The following LRP1 variants were observed in gnomAD, a reference collection of about 807,000 sequenced individuals.
LRP1 encodes LDL receptor related protein 1.
A neutral mutation model predicts 541.5 loss-of-function variants in LRP1; 51 were observed. The ratio of observed to expected loss-of-function variants is 0.09; its 90% CI spans 0.08 to 0.12. The LOEUF (loss-of-function observed/expected upper bound fraction) is 0.12, where lower values mean the gene tolerates loss of function less well. Among genes scored for constraint, LRP1 ranks in the 10% least tolerant of loss-of-function variants. The probability of loss-of-function intolerance (pLI) is 1.00; values close to 1 mark genes in which losing one functional copy is unlikely to be tolerated. For synonymous variants in LRP1, 2,219 were observed against 2,470.8 expected (o/e 0.90, Z 3.02); for missense variants, 3,878 against 6,376.2 (o/e 0.61, Z 13.34).
intron 12 of LRP1, 125 bp downstream of exon 12, chr12:57,160,130 A>T: frequency 1.1e-6 from 1 of 899,800 alleles, no homozygotes; most frequent in Non-Finnish European, 1.7e-6. Flanking sequence ...CAGGAATGAG[A>T]GTCTGCAAGG....
Position 57,156,944 on chromosome 12 carries a change from G to A in LRP1, c.1561+24G>A, listed in dbSNP as rs768967783. On this transcript the variant is annotated intron_variant, in intron 10 of 88. Transcript: ENST00000243077. The surrounding 1 kb of genome is among the most constrained non-coding windows in gnomAD (Gnocchi z 5.2). ...GAGTGAGTGACAGGGAAGGGGGTGT[G>A]TGCCCATTGGGAGGCTGCGGGAGGG... is the stretch of plus-strand genomic sequence containing the variant. 22 of 1,547,408 alleles carry A rather than the reference G, an allele frequency of 1.4e-5. No individual in the cohort carries two copies. The highest frequency in any genetic ancestry group is 2.4e-4 in the Middle Eastern group (1 of 4,236).
chr12:57,191,962 A>ACAC (rs2036414030), intron 44 of LRP1, among the ~76,000 whole-genome samples: 1 of 145,868 alleles, frequency 6.9e-6, no homozygotes, highest in Non-Finnish European at 1.5e-5. Flanking sequence ...CACCACATAC[A>ACAC]CACACCACAC....
rs778888986 is a variant in LRP1 at position 57,173,738 on chromosome 12, C to CA, written c.3347-41dup. On this transcript the variant is annotated intron_variant, in intron 21 of 88. Transcript: ENST00000243077. The surrounding 1 kb of genome is among the most constrained non-coding windows in gnomAD (Gnocchi z 4.7). Reference sequence around the variant, plus strand: ...CTGGAAGGAAGGGCAGGGGGAGCCCCAGTCCCCGGGCCTGGGCCCTCATAG... The same window carrying CA: ...CTGGAAGGAAGGGCAGGGGGAGCCCCAAGTCCCCGGGCCTGGGCCCTCATAG... 1.9e-6 allele frequency: 3 copies of CA among 1,603,552 alleles called. No individual in the cohort carries two copies. The highest frequency in any genetic ancestry group is 2.6e-6 in the Non-Finnish European group (3 of 1,170,678).
rs146131043 is a variant in LRP1 at position 57,145,471 on chromosome 12, C to T, written c.822C>T (p.Asn274=). 5.6e-5 allele frequency: 90 copies of T among 1,613,816 alleles called. No homozygotes were observed. The highest frequency in any genetic ancestry group is 1.6e-4 in the Middle Eastern group (1 of 6,076). Residue 274 remains asparagine, a synonymous_variant, in exon 6 of 89, where the codon AAC becomes AAT. Transcript: ENST00000243077. ...GCTTCGTGGATGAGCACACCATCAA[C>T]ATCTCCCTCAGTCTGCACCGTGAGT... ...LKGFVDEHTI[N]ISLSLHHVEQ...
Position 57,187,428 on chromosome 12 carries a change from C to T in LRP1, c.7003C>T (p.Arg2335Trp), listed in dbSNP as rs755117209. 1.2e-6 allele frequency: 2 copies of T among 1,613,878 alleles called. No homozygotes were observed. Among genetic ancestry groups the T allele is most frequent in the Non-Finnish European group, 1.7e-6 (2 of 1,179,922 alleles). Reference protein sequence around the residue: ...VITMSGDDHPRAFVLDECQNL... With the variant: ...VITMSGDDHPWAFVLDECQNL... ...CACTATGTCTGGAGATGACCACCCA[C>T]GGGCCTTCGTTTTGGACGAGTGCCA... Residue 2335 changes from arginine (R) to tryptophan (W), a missense_variant, in exon 42 of 89, where the codon CGG (arginine) becomes TGG (tryptophan). Arg to Trp is a moderately radical substitution (Grantham distance 101, BLOSUM62 -3). Around this residue, in one of 13 missense-constraint regions of LRP1, gnomAD observed 1,100 missense variants for 1,827.4 expected, o/e 0.60. Coordinates refer to ENST00000243077, the MANE Select transcript of LRP1 (RefSeq NM_002332.3).
rs1235850883 is a variant in LRP1, at chr12:57,165,122, A to T, written c.2531-683A>T. The T allele has an allele frequency of 1.3e-5, 2 of 152,542 alleles. No individual in the cohort carries two copies. The highest frequency in any genetic ancestry group is 2.9e-5 in the Non-Finnish European group (2 of 68,356). The allele number at this position is 152,542 out of a possible 1,614,324, so 9.4% of individuals were successfully genotyped here. A position where few individuals can be genotyped will look rare whatever the true frequency, so the allele number is the denominator to read the frequency against. ...CCTCCAGGTCCATGGTCCATGGGAT[A>T]CGGGAGGGGAAATCGCCACCCATGG... On this transcript the variant is annotated intron_variant, in intron 15 of 88. Transcript: ENST00000243077. The surrounding 1 kb of genome is among the most constrained non-coding windows in gnomAD (Gnocchi z 4.5).
At position 57,161,082 on chromosome 12, in the gene LRP1, C is replaced by G; in HGVS notation, c.2169C>G (p.Ile723Met). Reference sequence around the variant, plus strand: ...GGGTGGATGCCTTCTACGACCGCATCGAGACGATACTGCTCAATGGCACAG... The same window carrying G: ...GGGTGGATGCCTTCTACGACCGCATGGAGACGATACTGCTCAATGGCACAG... Reference protein sequence around the residue: ...LYWVDAFYDRIETILLNGTDR... With the variant: ...LYWVDAFYDRMETILLNGTDR... Residue 723 changes from isoleucine (I) to methionine (M), a missense_variant, in exon 13 of 89, where the codon ATC becomes ATG. This residue lies in a region of LRP1 where 496 missense variants were observed against 861.0 expected (regional missense o/e 0.58). Coordinates refer to ENST00000243077, the MANE Select transcript of LRP1 (RefSeq NM_002332.3). 6.2e-7 allele frequency: 1 copy of G among 1,613,608 alleles called. No homozygotes were observed. Among genetic ancestry groups the G allele is most frequent in the South Asian group, 1.1e-5 (1 of 91,068 alleles).
At chr12:57,149,264 C>A in intron 6 of LRP1, 1 of 443,568 alleles carries the variant, frequency 2.3e-6, no homozygotes, top group Non-Finnish European at 4.0e-6. Context: ...TCTAGCCACC[C>A]CACTCTTTGG....
chr12:57,156,036 G>A lies in LRP1; in HGVS notation c.1228-58G>A, dbSNP rs2035611929. 2 of 1,437,602 alleles carry A rather than the reference G, an allele frequency of 1.4e-6. No homozygotes were observed. Among genetic ancestry groups the A allele is most frequent in the Non-Finnish European group, 1.9e-6 (2 of 1,030,554 alleles). 89.1% of individuals were successfully genotyped at this position (1,437,602 alleles called of 1,614,324 possible). ...CTGGAGGAAGCTGAGGGGATCTCCAGGACAGAGGGAGGAACCCCTGTCATC... is the reference window on the plus strand; with the variant it reads ...CTGGAGGAAGCTGAGGGGATCTCCAAGACAGAGGGAGGAACCCCTGTCATC... On this transcript the variant is annotated intron_variant, in intron 8 of 88. Transcript: ENST00000243077. This position sits in a 1 kb window ranked among gnomAD's most constrained non-coding sequence, Gnocchi z 5.2.
chr12:57,181,229 C>A lies in LRP1; in HGVS notation c.5600C>A (p.Thr1867Lys). 6.2e-7 allele frequency: 1 copy of A among 1,613,696 alleles called. No individual in the cohort carries two copies. The highest frequency in any genetic ancestry group is 8.5e-7 in the Non-Finnish European group (1 of 1,180,024). The change falls in exon 34 of 89, where the codon ACG becomes AAG. Residue 1867 changes from threonine to lysine, a missense_variant. Physicochemically the swap from Thr to Lys is moderately conservative, Grantham distance 78 (BLOSUM62 -1). This residue lies in a region of LRP1 where 394 missense variants were observed against 635.9 expected (regional missense o/e 0.62). Transcript: ENST00000243077. ...CSQLCLPTSE[T>K]TRSCMCTAGY... is the part of the protein sequence containing the mutation. ...CAGCTCTGCCTGCCCACGTCAGAGACGACCCGCTCCTGCATGTGCACAGCC... is the reference window on the plus strand; with the variant it reads ...CAGCTCTGCCTGCCCACGTCAGAGAAGACCCGCTCCTGCATGTGCACAGCC...
At chr12:57,207,991 G>C (rs1565756312) in intron 76 of LRP1, 47 bp from the exon 77 acceptor site, 2 of 1,592,566 alleles carry the variant, frequency 1.3e-6, no homozygotes, top group Middle Eastern at 1.7e-4. Flanking sequence ...GGGGGATAAT[G>C]GCAGGAAGAC....
rs565307617 is a variant in LRP1 at position 57,204,197 on chromosome 12, C to T, written c.10952-213C>T. On this transcript the variant is annotated intron_variant, in intron 70 of 88. Transcript: ENST00000243077. The surrounding 1 kb of genome is among the most constrained non-coding windows in gnomAD (Gnocchi z 5.3). ...CCAGAGAAGGAGTGCCCTCTGAACT[C>T]CTCCAGACACCCCTGAAAAATGGCC... 1.2e-4 allele frequency: 62 copies of T among 517,312 alleles called. 2 individuals are homozygous for T. Among genetic ancestry groups the T allele is most frequent in the African/African-American group, 1.1e-3 (56 of 52,914 alleles). The allele number at this position is 517,312 out of a possible 1,614,324, so 32.0% of individuals were successfully genotyped here. A position where few individuals can be genotyped will look rare whatever the true frequency, so the allele number is the denominator to read the frequency against.
chr12:57,138,781 C>T (rs1157475079), intron 2 of LRP1, among the ~76,000 whole-genome samples, 200 bp downstream of exon 2: 1 of 152,210 alleles, frequency 6.6e-6, no homozygotes, highest in Non-Finnish European at 1.5e-5. Context: ...TTAGAAATGG[C>T]ACCTCAGATT....
chr12:57,175,473 GAATAAC>G lies in LRP1; in HGVS notation c.3562_3567del (p.Asn1188_Asn1189del), dbSNP rs774541412. The G allele has an allele frequency of 8.7e-6, 14 of 1,613,358 alleles. No homozygotes were observed. Among genetic ancestry groups the G allele is most frequent in the Non-Finnish European group, 1.0e-5 (12 of 1,180,026 alleles). ...CCCCTCCCCTAGACCAGTGCTCTCT[GAATAAC>G]GGTGGCTGCAGCCACAACTGCTCAG... is the stretch of plus-strand genomic sequence containing the variant. On this transcript the variant is annotated inframe_deletion, in exon 23 of 89. Transcript: ENST00000243077.
chr12:57,152,067 C>G (rs2035536446), intron 6 of LRP1, among the ~76,000 whole-genome samples: 1 of 152,084 alleles, frequency 6.6e-6, no homozygotes, highest in African/African-American at 2.4e-5. Flanking sequence ...TATCTGAGAG[C>G]AGGGATGATC....
rs750663521 is a variant in LRP1, at chr12:57,211,876, C to T, written c.13259-51C>T. Reference sequence around the variant, plus strand: ...GACCTAGAGCAGGGGGACCGTGTGCCTCCTGCTTCCCTGAGCCTTGGTGAC... The same window carrying T: ...GACCTAGAGCAGGGGGACCGTGTGCTTCCTGCTTCCCTGAGCCTTGGTGAC... On this transcript the variant is annotated intron_variant, in intron 86 of 88. Coordinates refer to ENST00000243077, the MANE Select transcript of LRP1 (RefSeq NM_002332.3). This position sits in a 1 kb window ranked among gnomAD's most constrained non-coding sequence, Gnocchi z 4.3. 6 of 1,613,412 alleles carry T rather than the reference C, an allele frequency of 3.7e-6. No homozygotes were observed. Among genetic ancestry groups the T allele is most frequent in the African/African-American group, 2.7e-5 (2 of 74,906 alleles).
intron 41 of LRP1, among the ~76,000 whole-genome samples, chr12:57,186,631 T>C (rs4074308): frequency 0.57 from 86,675 of 152,060 alleles, 26,393 homozygotes; most frequent in South Asian, 0.76. Flanking sequence ...AAATGTAGCA[T>C]CCGAAGCTAA....
Position 57,202,532 on chromosome 12 carries a change from G to C in LRP1, c.10706G>C (p.Ser3569Thr), listed in dbSNP as rs903954753. 1 of 1,593,666 alleles carries C rather than the reference G, an allele frequency of 6.3e-7. No individual in the cohort carries two copies. Among genetic ancestry groups the C allele is most frequent in the Non-Finnish European group, 8.5e-7 (1 of 1,170,432 alleles). ...TGCGGTGACAACTCCGATGAAGAGA[G>C]CTGCAGTACGTCCCCACCCACCCAG... ...NDCGDNSDEE[S>T]CTPRPCSESE... is the part of the protein sequence containing the mutation. The change falls in exon 68 of 89, where the codon AGC (serine) becomes ACC (threonine). Residue 3569 changes from serine (S) to threonine (T), a missense_variant. Transcript: ENST00000243077.
intron 42 of LRP1, among the ~76,000 whole-genome samples, chr12:57,188,053 C>T (rs2136714804): frequency 6.6e-6 from 1 of 152,316 alleles, no homozygotes; most frequent in Admixed American, 6.5e-5. Flanking sequence ...AGAGGGGGAC[C>T]TCTGCATGCC....
Sources: allele counts gnomAD v4.1 joint callset (sites outside exome capture counted in the v4.1 genomes callset), GRCh38; gene constraint gnomAD v4.1.1; regional missense constraint gnomAD v4.1.1; non-coding constraint Gnocchi (gnomAD v3.1); transcripts MANE v1.5; gene names NCBI Gene and HGNC (gene_info 2026-07-23, HGNC 2026-07-21).